The following PALD1 variants were observed in gnomAD, a reference collection of about 807,000 sequenced individuals.
The protein encoded by PALD1 is paladin.
In PALD1, 57 loss-of-function variants were observed where a neutral mutation model predicts 96.0. The ratio of observed to expected loss-of-function variants is 0.59; its 90% CI spans 0.48 to 0.74. The LOEUF is 0.74. Ranked by LOEUF, PALD1 falls within the 30% of genes least tolerant of loss-of-function variation. The pLI is 0.00. For synonymous variants in PALD1, 464 were observed against 473.6 expected (o/e 0.98, Z 0.26); for missense variants, 1,063 against 1,143.7 (o/e 0.93, Z 1.02).
intron 1 of PALD1, among the ~76,000 whole-genome samples, chr10:70,512,382 A>G (rs1034863077): frequency 1.3e-5 from 2 of 152,234 alleles, no homozygotes; most frequent in African/African-American, 2.4e-5. Flanking sequence ...AGATTTCCCA[A>G]TGGGGACATC....
intron 1 of PALD1, among the ~76,000 whole-genome samples, chr10:70,509,404 G>A (rs1183737615): frequency 1.3e-5 from 2 of 152,196 alleles, no homozygotes; most frequent in African/African-American, 2.4e-5. Flanking sequence ...TTGTCCTGAA[G>A]TTCCAATGTG....
chr10:70,466,308 C>T, the PALD1 span, among the ~76,000 whole-genome samples: 200 of 151,832 alleles, frequency 1.3e-3, no homozygotes, highest in South Asian at 3.8e-3. Context: ...TGTAGTGGCG[C>T]GATCTCAGCT....
At chr10:70,544,200 G>A (rs551041576) in intron 17 of PALD1, among the ~76,000 whole-genome samples, 4 of 152,328 alleles carry the variant, frequency 2.6e-5, no homozygotes, top group East Asian at 1.9e-4. Context: ...CAGCATTTGA[G>A]TGCCTTTGGG....
rs555957299 is a variant in PALD1, at chr10:70,536,455, A to G, written c.1228-1356A>G. On this transcript the variant is annotated intron_variant, in intron 10 of 19. Transcript: ENST00000263563. ...TTGCTCCAGTTCCCCATCAGTGTAA[A>G]TACTTCTTTGTTGAGCAGCTTCATG... 3.3e-5 allele frequency among the ~76,000 whole-genome samples: 5 copies of G among 152,220 alleles called. No homozygotes were observed. The South Asian group carries it at 1.0e-3, about 32-fold the overall frequency.
At chr10:70,477,840 A>C (rs1002043510), upstream of PALD1, among the ~76,000 whole-genome samples, 2 of 152,124 alleles carry the variant, frequency 1.3e-5, no homozygotes, top group African/African-American at 4.8e-5. Context: ...AGAAAAAAGG[A>C]TTTCCCGAGT....
At chr10:70,463,554 C>T in the PALD1 span, among the ~76,000 whole-genome samples, 2 of 152,030 alleles carry the variant, frequency 1.3e-5, no homozygotes, top group Non-Finnish European at 2.9e-5. Flanking sequence ...CTTTAGTACC[C>T]ACTGTGTGCC....
At chr10:70,484,010 T>A (rs1845974943) in intron 1 of PALD1, among the ~76,000 whole-genome samples, 1 of 152,188 alleles carries the variant, frequency 6.6e-6, no homozygotes, top group African/African-American at 2.4e-5. Flanking sequence ...TTTTGTTTGT[T>A]TGTTTTTTTT....
At chr10:70,464,778 A>G in the PALD1 span, among the ~76,000 whole-genome samples, 1 of 149,932 alleles carries the variant, frequency 6.7e-6, no homozygotes, top group African/African-American at 2.5e-5. Flanking sequence ...GGCACATACC[A>G]CCACGCCCGG....
upstream of PALD1, among the ~76,000 whole-genome samples, chr10:70,474,671 T>A (rs879615548): frequency 3.3e-5 from 5 of 152,214 alleles, no homozygotes; most frequent in Non-Finnish European, 7.3e-5. Context: ...TATTTCTTAC[T>A]TTGGGTCTTG....
Position 70,525,980 on chromosome 10 carries a change from A to C in PALD1, c.29A>C (p.Gln10Pro), listed in dbSNP as rs1846853557. 6.2e-7 allele frequency: 1 copy of C among 1,614,170 alleles called. No homozygotes were observed. The highest frequency in any genetic ancestry group is 8.5e-7 in the Non-Finnish European group (1 of 1,180,042). ...GGTACAACGGCCAGCACAGCCCAGC[A>C]GACGGTCTCGGCAGGCACCCCATTT... Reference protein sequence around the residue: MGTTASTAQQTVSAGTPFEG... With the variant: MGTTASTAQPTVSAGTPFEG... The change falls in exon 2 of 20, where the codon CAG (glutamine) becomes CCG (proline). Residue 10 changes from glutamine (Q) to proline (P), a missense_variant. Gln to Pro is a moderately conservative substitution (Grantham distance 76). Coordinates refer to ENST00000263563, the MANE Select transcript of PALD1 (RefSeq NM_014431.3).
chr10:70,460,896 A>C, the PALD1 span, among the ~76,000 whole-genome samples: 2 of 152,176 alleles, frequency 1.3e-5, no homozygotes, highest in Non-Finnish European at 2.9e-5. Context: ...CTCTACTAAA[A>C]ATACAAAAAT....
At chr10:70,518,246 C>T (rs1564693870) in intron 1 of PALD1, among the ~76,000 whole-genome samples, 1 of 152,168 alleles carries the variant, frequency 6.6e-6, no homozygotes, top group African/African-American at 2.4e-5. Flanking sequence ...TTGCGTTCAT[C>T]TGTTCACCAG....
chr10:70,539,975 G>A lies in PALD1; in HGVS notation c.1908+213G>A, dbSNP rs143915988. The stretch of plus-strand genomic sequence containing the variant: ...ACGTGTGTTTATTATGTGTTATAGG[G>A]TATATGTGTGTGTATTGTTATAGGT... On this transcript the variant is annotated intron_variant, in intron 15 of 19. Transcript: ENST00000263563. This position sits in a 1 kb window ranked among gnomAD's most constrained non-coding sequence, Gnocchi z 4.5. Among the ~76,000 whole-genome samples the A allele has an allele frequency of 8.3e-4, 126 of 152,212 alleles. No homozygotes were observed. Among genetic ancestry groups the A allele is most frequent in the Non-Finnish European group, 1.2e-3 (83 of 67,998 alleles).
At chr10:70,498,909 C>A in intron 1 of PALD1, among the ~76,000 whole-genome samples, 2 of 145,286 alleles carry the variant, frequency 1.4e-5, no homozygotes, top group African/African-American at 2.6e-5. Context: ...GATTGGGCAA[C>A]AAGAGCAAAA....
At chr10:70,514,992 T>A (rs868505582) in intron 1 of PALD1, among the ~76,000 whole-genome samples, 1 of 152,168 alleles carries the variant, frequency 6.6e-6, no homozygotes, top group Non-Finnish European at 1.5e-5. Flanking sequence ...AAAATAAATA[T>A]CACCCTGCAG....
upstream of PALD1, among the ~76,000 whole-genome samples, chr10:70,476,444 A>T (rs547786850): frequency 3.3e-4 from 51 of 152,302 alleles, no homozygotes; most frequent in Non-Finnish European, 6.3e-4. Flanking sequence ...CTAGCCCCAT[A>T]GCCAGCAGAC....
chr10:70,463,354 C>T, the PALD1 span, among the ~76,000 whole-genome samples: 5 of 152,000 alleles, frequency 3.3e-5, no homozygotes, highest in South Asian at 2.1e-4. Flanking sequence ...GAACCGAGAT[C>T]GTGCCACTGC....
At chr10:70,543,901 C>T (rs577959590) in intron 17 of PALD1, among the ~76,000 whole-genome samples, 2 of 152,218 alleles carry the variant, frequency 1.3e-5, no homozygotes, top group African/African-American at 4.8e-5. Flanking sequence ...AAGTTTATTA[C>T]CCTAGGGCCA....
chr10:70,507,755 G>GCA (rs1846420952), intron 1 of PALD1, among the ~76,000 whole-genome samples: 1 of 53,124 alleles, frequency 1.9e-5, no homozygotes. Context: ...GTGTGCGTGT[G>GCA]TGTGTGTGTG....
Sources: gnomAD v4.1 joint callset for allele counts (sites outside exome capture counted in the v4.1 genomes callset) on GRCh38, gnomAD v4.1.1 for gene constraint, Gnocchi (gnomAD v3.1) non-coding constraint, MANE v1.5 for transcripts, NCBI Gene and HGNC (gene_info 2026-07-23, HGNC 2026-07-21) for gene names.